Variants in PPARGC1A observed in about 807,000 individuals in gnomAD.
The protein encoded by PPARGC1A is peroxisome proliferator-activated receptor gamma coactivator 1-alpha.
Under a neutral mutation model 88.7 loss-of-function variants are expected in PPARGC1A, and 25 were observed. The ratio of observed to expected loss-of-function variants is 0.28; its 90% CI spans 0.21 to 0.39. PPARGC1A has a LOEUF of 0.39. PPARGC1A is among the 10% of genes least tolerant of loss of function. The pLI is 1.00. For synonymous variants in PPARGC1A, 363 were observed against 355.6 expected (o/e 1.02, Z -0.24); for missense variants, 880 against 968.7 (o/e 0.91, Z 1.22).
At chr4:23,818,351 G>A (rs529386662) in intron 7 of PPARGC1A, among the ~76,000 whole-genome samples, 4 of 152,096 alleles carry the variant, frequency 2.6e-5, no homozygotes, top group Non-Finnish European at 4.4e-5. Flanking sequence ...AGTGCAGCTC[G>A]GTGCAGAATG....
the PPARGC1A span, among the ~76,000 whole-genome samples, chr4:24,118,385 G>A: frequency 3.9e-5 from 6 of 152,066 alleles, no homozygotes; most frequent in East Asian, 1.9e-4. Flanking sequence ...GGTGCCACTC[G>A]AACCTGTGCA....
chr4:24,099,407 G>A, the PPARGC1A span, among the ~76,000 whole-genome samples: 1 of 151,862 alleles, frequency 6.6e-6, no homozygotes, highest in Non-Finnish European at 1.5e-5. Context: ...AGGAGGGGTA[G>A]CCTGAAGCTT....
At chr4:24,303,724 A>T in the PPARGC1A span, among the ~76,000 whole-genome samples, 4 of 152,196 alleles carry the variant, frequency 2.6e-5, no homozygotes, top group African/African-American at 9.7e-5. Context: ...ATTTTTTTCC[A>T]TATGAATGTT....
At chr4:24,276,153 A>G in the PPARGC1A span, among the ~76,000 whole-genome samples, 3 of 152,232 alleles carry the variant, frequency 2.0e-5, no homozygotes, top group Admixed American at 6.5e-5. Context: ...CCGAAGACTC[A>G]AAGAAAGGGC....
chr4:24,087,519 A>G, the PPARGC1A span, among the ~76,000 whole-genome samples: 1 of 152,164 alleles, frequency 6.6e-6, no homozygotes, highest in South Asian at 2.1e-4. Context: ...CCCCTCCATA[A>G]TATCTTCAAT....
upstream of PPARGC1A, among the ~76,000 whole-genome samples, chr4:23,891,103 A>C (rs60732507): frequency 0.039 from 5,870 of 152,238 alleles, 357 homozygotes; most frequent in African/African-American, 0.13. Flanking sequence ...TTCAGCTTGT[A>C]CCTTGAGACA....
chr4:23,991,437 C>G, the PPARGC1A span, among the ~76,000 whole-genome samples: 1 of 152,030 alleles, frequency 6.6e-6, no homozygotes, highest in Non-Finnish European at 1.5e-5. Context: ...AACACAATCT[C>G]TGCTTGAAGG....
chr4:24,360,918 T>C, the PPARGC1A span, among the ~76,000 whole-genome samples: 26,734 of 152,164 alleles, frequency 0.18, 2,495 homozygotes, highest in Non-Finnish European at 0.2. Context: ...GTCTAGTTCA[T>C]GGTAAGAATT....
the PPARGC1A span, among the ~76,000 whole-genome samples, chr4:24,203,338 A>G: frequency 6.6e-6 from 1 of 152,204 alleles, no homozygotes; most frequent in Non-Finnish European, 1.5e-5. Flanking sequence ...CAGGAGTTCG[A>G]GACCAGTCTG....
the PPARGC1A span, among the ~76,000 whole-genome samples, chr4:24,275,596 T>G: frequency 8.5e-5 from 13 of 152,184 alleles, no homozygotes; most frequent in Non-Finnish European, 1.8e-4. Flanking sequence ...CAGGAACCCT[T>G]TAATAAATAG....
chr4:23,941,676 C>T, the PPARGC1A span, among the ~76,000 whole-genome samples: 2 of 152,110 alleles, frequency 1.3e-5, no homozygotes, highest in Non-Finnish European at 2.9e-5. Context: ...GATGTGAGAT[C>T]GTTCTAGCTC....
the PPARGC1A span, among the ~76,000 whole-genome samples, chr4:23,991,257 T>C: frequency 6.6e-6 from 1 of 152,004 alleles, no homozygotes; most frequent in African/African-American, 2.4e-5. Context: ...AAAAGTCCAA[T>C]GAAAGTTCTA....
chr4:23,824,390 A>G, intron 6 of PPARGC1A, 37 bp from the exon 7 acceptor site: 1 of 1,609,518 alleles, frequency 6.2e-7, no homozygotes, highest in South Asian at 1.1e-5. Context: ...ACAAACTGAA[A>G]TGGAGTTGCT....
At chr4:24,066,468 C>A in the PPARGC1A span, among the ~76,000 whole-genome samples, 1 of 152,180 alleles carries the variant, frequency 6.6e-6, no homozygotes, top group Non-Finnish European at 1.5e-5. Context: ...TATCATAACA[C>A]TATCCAAAGC....
the PPARGC1A span, among the ~76,000 whole-genome samples, chr4:24,119,862 G>T: frequency 6.6e-5 from 10 of 151,948 alleles, no homozygotes; most frequent in African/African-American, 2.4e-4. Context: ...CTTATAAAAG[G>T]TGCCTGAAAG....
chr4:24,086,698 G>A, the PPARGC1A span, among the ~76,000 whole-genome samples: 1 of 152,170 alleles, frequency 6.6e-6, no homozygotes, highest in African/African-American at 2.4e-5. Flanking sequence ...TGCACATGGG[G>A]GGTATTCAAA....
chr4:24,199,603 C>A, the PPARGC1A span, among the ~76,000 whole-genome samples: 2 of 152,044 alleles, frequency 1.3e-5, no homozygotes, highest in African/African-American at 4.8e-5. Context: ...CATGACAATA[C>A]ACAAATCTGG....
chr4:24,265,628 A>G, the PPARGC1A span, among the ~76,000 whole-genome samples: 1 of 152,238 alleles, frequency 6.6e-6, no homozygotes, highest in Admixed American at 6.5e-5. Context: ...GTGTTGATAC[A>G]CCTATGATTA....
At chr4:24,443,883 ACCACAGCCAGATTT>A in the PPARGC1A span, among the ~76,000 whole-genome samples, 5 of 152,012 alleles carry the variant, frequency 3.3e-5, no homozygotes, top group African/African-American at 1.2e-4. Context: ...ACAAGGAATT[ACCACAGCCAGATTT>A]GTTTTAGAAA....
Sources: allele counts gnomAD v4.1 joint callset (sites outside exome capture counted in the v4.1 genomes callset), GRCh38; gene constraint gnomAD v4.1.1; transcripts MANE v1.5; gene names NCBI Gene and HGNC (gene_info 2026-07-23, HGNC 2026-07-21).